The following CELF4 variants were observed in gnomAD, a reference collection of about 807,000 sequenced individuals.
CELF4 encodes CUG-BP- and ETR-3-like factor 4.
A neutral mutation model predicts 59.9 loss-of-function variants in CELF4; 18 were observed. The observed-to-expected ratio is 0.30, with a 90% CI of 0.21 to 0.45. The LOEUF (loss-of-function observed/expected upper bound fraction) is 0.45, where lower values mean the gene tolerates loss of function less well. Among genes scored for constraint, CELF4 ranks in the 20% least tolerant of loss-of-function variants. The pLI is 1.00. For synonymous variants in CELF4, 261 were observed against 267.1 expected (o/e 0.98, Z 0.22); for missense variants, 456 against 689.0 (o/e 0.66, Z 3.79).
intron 2 of CELF4, among the ~76,000 whole-genome samples, chr18:37,329,812 G>C (rs1324077715): frequency 6.6e-6 from 1 of 152,266 alleles, no homozygotes; most frequent in Non-Finnish European, 1.5e-5. Context: ...CGAAACCCAA[G>C]AGTAGGACTC....
At chr18:37,373,710 A>C (rs982167113) in intron 2 of CELF4, among the ~76,000 whole-genome samples, 1 of 152,134 alleles carries the variant, frequency 6.6e-6, no homozygotes, top group African/African-American at 2.4e-5. Flanking sequence ...AGACTCTAAC[A>C]GTGGGAGGGG....
chr18:37,467,344 C>A (rs1293178807), intron 2 of CELF4, among the ~76,000 whole-genome samples: 1 of 152,160 alleles, frequency 6.6e-6, no homozygotes, highest in Non-Finnish European at 1.5e-5. Context: ...GAGGCCATTT[C>A]TGGGATGCAG....
intron 8 of CELF4, among the ~76,000 whole-genome samples, chr18:37,269,097 G>A (rs572960010): frequency 6.8e-4 from 104 of 152,230 alleles, no homozygotes; most frequent in Non-Finnish European, 1.2e-3. Flanking sequence ...CCACCCAGAT[G>A]TGCTGGGGAT....
intron 2 of CELF4, among the ~76,000 whole-genome samples, chr18:37,371,604 T>C (rs572603978): frequency 1.3e-5 from 2 of 152,320 alleles, no homozygotes; most frequent in South Asian, 4.1e-4. Flanking sequence ...GCCAGGCTCC[T>C]AGTGTAGGCT....
At chr18:37,331,608 C>A (rs1327722043) in intron 2 of CELF4, among the ~76,000 whole-genome samples, 1 of 152,030 alleles carries the variant, frequency 6.6e-6, no homozygotes, top group African/African-American at 2.4e-5. Context: ...GAGGCATGAG[C>A]GAACTGCAGT....
chr18:37,363,075 A>T (rs1298034052), intron 2 of CELF4, among the ~76,000 whole-genome samples: 2 of 151,908 alleles, frequency 1.3e-5, no homozygotes, highest in Non-Finnish European at 2.9e-5. Flanking sequence ...TCTTGGGCAC[A>T]CCCCTGAAGA....
At chr18:37,458,485 C>T (rs1397533499) in intron 2 of CELF4, among the ~76,000 whole-genome samples, 2 of 152,220 alleles carry the variant, frequency 1.3e-5, no homozygotes, top group East Asian at 3.8e-4. Flanking sequence ...TATTTCACCT[C>T]CTGGCATGGA....
intron 3 of CELF4, among the ~76,000 whole-genome samples, chr18:37,282,596 C>A (rs1407989565): frequency 5.3e-5 from 8 of 152,198 alleles, no homozygotes; most frequent in Admixed American, 3.9e-4. Context: ...GGGCAGCATA[C>A]AGCAGCAGAA....
intron 3 of CELF4, among the ~76,000 whole-genome samples, chr18:37,286,574 C>T (rs1001719837): frequency 1.3e-5 from 2 of 152,134 alleles, no homozygotes; most frequent in Non-Finnish European, 1.5e-5. Context: ...ACCCACAGCC[C>T]GTTTTTAATA....
At chr18:37,336,331 G>T (rs1285204051) in intron 2 of CELF4, among the ~76,000 whole-genome samples, 1 of 152,182 alleles carries the variant, frequency 6.6e-6, no homozygotes, top group African/African-American at 2.4e-5. Context: ...CTATAGGCAT[G>T]TACCTCCACG....
intron 2 of CELF4, among the ~76,000 whole-genome samples, chr18:37,333,820 C>T (rs1362849864): frequency 1.3e-5 from 2 of 152,102 alleles, no homozygotes; most frequent in African/African-American, 4.8e-5. Context: ...ATGCATCCAT[C>T]CATCCATCCA....
At chr18:37,361,797 C>T (rs1343161509) in intron 2 of CELF4, among the ~76,000 whole-genome samples, 3 of 150,776 alleles carry the variant, frequency 2.0e-5, no homozygotes, top group Non-Finnish European at 4.4e-5. Flanking sequence ...GATGCCCAGC[C>T]GGGGGAGCAA....
At chr18:37,285,900 T>C (rs2094701196) in intron 3 of CELF4, among the ~76,000 whole-genome samples, 1 of 152,188 alleles carries the variant, frequency 6.6e-6, no homozygotes, top group South Asian at 2.1e-4. Context: ...CTGTGGGGAC[T>C]TTTCGCAGCC....
At chr18:37,512,181 G>T (rs1430259142) in intron 1 of CELF4, among the ~76,000 whole-genome samples, 1 of 152,164 alleles carries the variant, frequency 6.6e-6, no homozygotes, top group Admixed American at 6.5e-5. Context: ...GCCCTTGGAA[G>T]AGAATCTGTC....
At chr18:37,415,949 T>C (rs996573539) in intron 2 of CELF4, among the ~76,000 whole-genome samples, 2 of 152,210 alleles carry the variant, frequency 1.3e-5, no homozygotes, top group African/African-American at 4.8e-5. Context: ...CACTTAACTC[T>C]TCTCTGAATG....
At chr18:37,393,915 G>A (rs12456404) in intron 2 of CELF4, among the ~76,000 whole-genome samples, 36,642 of 141,696 alleles carry the variant, frequency 0.26, 5,207 homozygotes, top group East Asian at 0.43. Context: ...AAGGCTAAGG[G>A]AAAAAAAAAA....
intron 2 of CELF4, among the ~76,000 whole-genome samples, chr18:37,434,657 G>A (rs2099683722): frequency 6.6e-6 from 1 of 152,164 alleles, no homozygotes; most frequent in Non-Finnish European, 1.5e-5. Flanking sequence ...GGCCTTTCGG[G>A]TTGCATGGGG....
chr18:37,372,274 A>C (rs1434626538), intron 2 of CELF4, among the ~76,000 whole-genome samples: 1 of 152,260 alleles, frequency 6.6e-6, no homozygotes, highest in Non-Finnish European at 1.5e-5. Context: ...AATGTGGCAC[A>C]TATACACCAT....
rs79851589 is a variant in CELF4 at position 37,349,332 on chromosome 18, C to T, written c.370-27451G>A. Among the ~76,000 whole-genome samples, 460 of 152,296 alleles carry T rather than the reference C, an allele frequency of 3.0e-3. 17 individuals are homozygous for T. The East Asian group carries it at 0.071, about 23-fold the overall frequency. On this transcript the variant is annotated intron_variant, in intron 2 of 12. Coordinates refer to ENST00000420428, the MANE Select transcript of CELF4 (RefSeq NM_020180.4). ...AAGAGGGACACGTTGGGGGGAGAAACTGGAAACTTCCTTGTCCAAGTCAGA... is the reference window on the plus strand; with the variant it reads ...AAGAGGGACACGTTGGGGGGAGAAATTGGAAACTTCCTTGTCCAAGTCAGA...
Sources: allele counts gnomAD v4.1 joint callset (sites outside exome capture counted in the v4.1 genomes callset), GRCh38; gene constraint gnomAD v4.1.1; transcripts MANE v1.5; gene names NCBI Gene and HGNC (gene_info 2026-07-23, HGNC 2026-07-21).